PIK3R5: variants seen among roughly 807,000 people sequenced by gnomAD.
The protein encoded by PIK3R5 is phosphoinositide 3-kinase regulatory subunit 5.
Under a neutral mutation model 94.9 loss-of-function variants are expected in PIK3R5, and 32 were observed. That is an observed-to-expected ratio of 0.34 (90% confidence interval 0.25 to 0.45). The LOEUF is 0.45. PIK3R5 is among the 20% of genes least tolerant of loss of function. PIK3R5 has a pLI of 1.00. For missense variants in PIK3R5, 853 were observed against 1,144.6 expected (o/e 0.75, Z 3.68); for synonymous variants, 443 against 479.4 (o/e 0.92, Z 0.99).
rs544508492 is a variant in PIK3R5, at chr17:8,882,326, C to T, written c.2206-445G>A. ...TTGGTCCTCAGCTTACTTGACCTTA[C>T]AGTTCACTGCTCTCCCCTCCTTGAA... On this transcript the variant is annotated intron_variant, in intron 15 of 18. Transcript: ENST00000447110. The surrounding 1 kb of genome is among the most constrained non-coding windows in gnomAD (Gnocchi z 4.1). 59 of 179,746 alleles carry T rather than the reference C, an allele frequency of 3.3e-4. 2 individuals carry two copies. In the South Asian group the frequency reaches 6.1e-3, roughly 19 times the overall value. 11.1% of individuals were successfully genotyped at this position (179,746 alleles called of 1,614,324 possible).
At position 8,896,192 on chromosome 17, in the gene PIK3R5, C is replaced by T. The variant is rs900268661; in HGVS notation, c.413-2537G>A. ...GAGGTTGGAAATATCTCCCAGCACC[C>T]TCCATGGGCTTGGTTTTCACAATGT... On this transcript the variant is annotated intron_variant, in intron 5 of 18. Coordinates refer to ENST00000447110, the MANE Select transcript of PIK3R5 (RefSeq NM_001142633.3). The surrounding 1 kb of genome is among the most constrained non-coding windows in gnomAD (Gnocchi z 4.0). Among the ~76,000 whole-genome samples, 6 of 152,176 alleles carry T rather than the reference C, an allele frequency of 3.9e-5. No individual in the cohort carries two copies. Among genetic ancestry groups the T allele is most frequent in the African/African-American group, 1.4e-4 (6 of 41,432 alleles).
intron 1 of PIK3R5, among the ~76,000 whole-genome samples, chr17:8,914,575 G>A (rs138665573): frequency 1.7e-4 from 26 of 152,300 alleles, no homozygotes; most frequent in African/African-American, 5.8e-4. Context: ...CCTTCTCTCC[G>A]CAAAGCTGAG....
intron 1 of PIK3R5, among the ~76,000 whole-genome samples, chr17:8,937,282 A>G (rs2091093784): frequency 6.6e-6 from 1 of 152,210 alleles, no homozygotes; most frequent in African/African-American, 2.4e-5. Context: ...TTCCAGTACG[A>G]TGTTAAATAT....
chr17:8,927,354 A>G (rs9911442), intron 1 of PIK3R5, among the ~76,000 whole-genome samples: 1,849 of 152,316 alleles, frequency 0.012, 48 homozygotes, highest in African/African-American at 0.042. Flanking sequence ...CACCCTGGCC[A>G]GGCCGTAATG....
At chr17:8,947,724 G>C (rs1216301497) in intron 1 of PIK3R5, among the ~76,000 whole-genome samples, 3 of 152,178 alleles carry the variant, frequency 2.0e-5, no homozygotes, top group Non-Finnish European at 4.4e-5. Context: ...GAGAGAGAAT[G>C]AGCGTATCAT....
chr17:8,950,186 T>G (rs1462733089), intron 1 of PIK3R5, among the ~76,000 whole-genome samples: 1 of 152,252 alleles, frequency 6.6e-6, no homozygotes, highest in Non-Finnish European at 1.5e-5. Context: ...GATGGATTCA[T>G]TACTGGCTTC....
rs1462409455 is a variant in PIK3R5 at position 8,892,322 on chromosome 17, A to C, written c.482+1264T>G. Among the ~76,000 whole-genome samples the C allele has an allele frequency of 6.6e-6, 1 of 152,116 alleles. No individual in the cohort carries two copies. The highest frequency in any genetic ancestry group is 1.5e-5 in the Non-Finnish European group (1 of 68,022). ...TGGGCTTGTATAAGCAGCCCCTTAC[A>C]ACCTTGTAACGAGCCCAGCCGAGCC... On this transcript the variant is annotated intron_variant, in intron 6 of 18. Coordinates refer to ENST00000447110, the MANE Select transcript of PIK3R5 (RefSeq NM_001142633.3). The surrounding 1 kb of genome is among the most constrained non-coding windows in gnomAD (Gnocchi z 4.3).
At position 8,935,303 on chromosome 17, in the gene PIK3R5, G is replaced by A. The variant is rs1340766332; in HGVS notation, c.-13-23796C>T. ...TGGAAAGTTACATGAGTGTGCAAAC[G>A]AAAGCCCCGCCCAAATATAGGCCCA... On this transcript the variant is annotated intron_variant, in intron 1 of 18. Coordinates refer to ENST00000447110, the MANE Select transcript of PIK3R5 (RefSeq NM_001142633.3). This position sits in a 1 kb window ranked among gnomAD's most constrained non-coding sequence, Gnocchi z 4.5. 2.0e-5 allele frequency among the ~76,000 whole-genome samples: 3 copies of A among 152,156 alleles called. No homozygotes were observed. The highest frequency in any genetic ancestry group is 2.0e-4 in the Admixed American group (3 of 15,274).
intron 1 of PIK3R5, among the ~76,000 whole-genome samples, chr17:8,933,862 C>A (rs931895232): frequency 6.6e-6 from 1 of 152,060 alleles, no homozygotes; most frequent in Non-Finnish European, 1.5e-5. Context: ...GAAAAAAAAT[C>A]ACATAACTAC....
chr17:8,965,562 C>T (rs2091656402), intron 1 of PIK3R5, 34 bp downstream of exon 1: 1 of 152,344 alleles, frequency 6.6e-6, no homozygotes, highest in Non-Finnish European at 1.5e-5. Flanking sequence ...CCATGCGTGC[C>T]CTCCGCATCC....
chr17:8,906,766 C>T (rs914382628), intron 3 of PIK3R5, among the ~76,000 whole-genome samples: 2 of 151,936 alleles, frequency 1.3e-5, no homozygotes, highest in Non-Finnish European at 1.5e-5. Context: ...ACCTGTAATC[C>T]CAACTACTCG....
At chr17:8,947,633 G>A (rs1281268992) in intron 1 of PIK3R5, among the ~76,000 whole-genome samples, 14 of 152,236 alleles carry the variant, frequency 9.2e-5, no homozygotes, top group African/African-American at 2.6e-4. Context: ...GAAAAGAGGC[G>A]GAAATGTGAA....
At chr17:8,927,982 G>C (rs1208919703) in intron 1 of PIK3R5, among the ~76,000 whole-genome samples, 3 of 152,188 alleles carry the variant, frequency 2.0e-5, no homozygotes, top group Non-Finnish European at 4.4e-5. Context: ...CATGTGGCTT[G>C]AGGCTCTCAC....
intron 14 of PIK3R5, 77 bp downstream of exon 14, chr17:8,886,152 A>G (rs1384604348): frequency 5.4e-6 from 6 of 1,120,434 alleles, no homozygotes; most frequent in Non-Finnish European, 8.0e-6. Flanking sequence ...CTCCCAGGTA[A>G]CCCCACCTCC....
intron 1 of PIK3R5, among the ~76,000 whole-genome samples, chr17:8,926,317 AGAGCTG>A (rs2090883314): frequency 6.6e-6 from 1 of 152,204 alleles, no homozygotes; most frequent in East Asian, 1.9e-4. Context: ...TTTGCTCAGA[AGAGCTG>A]GGTTTATGAA....
rs752480052 is a variant in PIK3R5 at position 8,888,848 on chromosome 17, C to T, written c.939G>A (p.Gln313=). The T allele has an allele frequency of 6.2e-7, 1 of 1,606,780 alleles. No homozygotes were observed. The highest frequency in any genetic ancestry group is 8.5e-7 in the Non-Finnish European group (1 of 1,179,846). ...CTTCATCATCTCCCAGGATCCCTGG[C>T]TGGAGTAGCTCCTGTTCCTTGAGCA... is the stretch of plus-strand genomic sequence containing the variant. ...EILLKEQELL[Q]PGILGDDEEE... is the part of the protein sequence containing the mutation. The change falls in exon 10 of 19, where the codon CAG becomes CAA. Residue 313 remains glutamine, a synonymous_variant. Coordinates refer to ENST00000447110, the MANE Select transcript of PIK3R5 (RefSeq NM_001142633.3). The surrounding 1 kb of genome is among the most constrained non-coding windows in gnomAD (Gnocchi z 7.8).
At position 8,892,107 on chromosome 17, in the gene PIK3R5, C is replaced by T. The variant is rs1485388732; in HGVS notation, c.483-1195G>A. ...TAGTATGAGCTGCATGTGATGAGAG[C>T]TCTTGCTCTCTCAATTCCACACTGC... On this transcript the variant is annotated intron_variant, in intron 6 of 18. Coordinates refer to ENST00000447110, the MANE Select transcript of PIK3R5 (RefSeq NM_001142633.3). This position sits in a 1 kb window ranked among gnomAD's most constrained non-coding sequence, Gnocchi z 4.3. Among the ~76,000 whole-genome samples, 1 of 152,176 alleles carries T rather than the reference C, an allele frequency of 6.6e-6. No homozygotes were observed. The highest frequency in any genetic ancestry group is 6.5e-5 in the Admixed American group (1 of 15,278).
In PIK3R5 at chr17:8,890,694, C is replaced by G. The variant is rs2090000787; in HGVS notation, c.657+44G>C. 6.5e-7 allele frequency: 1 copy of G among 1,543,326 alleles called. No homozygotes were observed. On this transcript the variant is annotated intron_variant, in intron 7 of 18. Transcript: ENST00000447110. This position sits in a 1 kb window ranked among gnomAD's most constrained non-coding sequence, Gnocchi z 6.1. ...TGAAGCAGGGAGAGGGTGCTACCTC[C>G]TCAGAGAGGTGCTCCACCAGAGCCC...
chr17:8,928,013 A>C (rs2090920949), intron 1 of PIK3R5, among the ~76,000 whole-genome samples: 1 of 152,206 alleles, frequency 6.6e-6, no homozygotes, highest in African/African-American at 2.4e-5. Flanking sequence ...TGTTGATGCC[A>C]TGCTTCTTGT....
Sources: gnomAD v4.1 joint callset for allele counts (sites outside exome capture counted in the v4.1 genomes callset) on GRCh38, gnomAD v4.1.1 for gene constraint, Gnocchi (gnomAD v3.1) non-coding constraint, MANE v1.5 for transcripts, NCBI Gene and HGNC (gene_info 2026-07-23, HGNC 2026-07-21) for gene names.